Variants in RNF181 observed in about 807,000 individuals in gnomAD.
The protein encoded by RNF181 is E3 ubiquitin-protein ligase RNF181.
A neutral mutation model predicts 23.3 loss-of-function variants in RNF181; 25 were observed. The ratio of observed to expected loss-of-function variants is 1.07; its 90% CI spans 0.78 to 1.50. The LOEUF (loss-of-function observed/expected upper bound fraction) is 1.50, where lower values mean the gene tolerates loss of function less well. RNF181 is among the 40% of genes most tolerant of loss of function. The pLI is 0.00. For synonymous variants in RNF181, 62 were observed against 70.9 expected, an observed-to-expected ratio of 0.87 and a Z score of 0.63; for missense variants, 167 against 191.1, an observed-to-expected ratio of 0.87 and a Z score of 0.74.
chr2:85,596,523 C>T lies in RNF181; in HGVS notation c.91C>T (p.Leu31Phe). The part of the protein sequence containing the change: ...TNMLLELARS[L>F]FNRMDFEDLG... The stretch of plus-strand genomic sequence containing the variant: ...ACTTTACATCCCCTTCCCCAGGTCA[C>T]TTTTCAATAGGATGGACTTTGAAGA... The change falls in exon 2 of 5, where the codon CTT becomes TTT. Residue 31 changes from leucine to phenylalanine, a missense_variant. Coordinates refer to ENST00000306368, the MANE Select transcript of RNF181 (RefSeq NM_016494.4). The T allele has an allele frequency of 6.2e-7, 1 of 1,604,464 alleles. No individual in the cohort carries two copies. Among genetic ancestry groups the T allele is most frequent in the Non-Finnish European group, 8.5e-7 (1 of 1,176,096 alleles).
Position 85,597,444 on chromosome 2 carries a change from G to C in RNF181, c.403-1G>C. Reference sequence around the variant, plus strand: ...TGCCCAGCATGCCTTCTTTCCTTCAGGCTCGAAAACAGCAGCAGCAACACC... The same window carrying C: ...TGCCCAGCATGCCTTCTTTCCTTCACGCTCGAAAACAGCAGCAGCAACACC... On this transcript the variant is annotated splice_acceptor_variant, in intron 4 of 4. Coordinates refer to ENST00000306368, the MANE Select transcript of RNF181 (RefSeq NM_016494.4). LOFTEE classifies it high-confidence loss of function. 1 of 1,608,144 alleles carries C rather than the reference G, an allele frequency of 6.2e-7. No individual in the cohort carries two copies. The highest frequency in any genetic ancestry group is 8.5e-7 in the Non-Finnish European group (1 of 1,177,576).
In RNF181 at chr2:85,596,622, A is replaced by T; in HGVS notation, c.190A>T (p.Arg64Trp). 6.2e-7 allele frequency: 1 copy of T among 1,614,100 alleles called. No homozygotes were observed. The highest frequency in any genetic ancestry group is 8.5e-7 in the Non-Finnish European group (1 of 1,179,960). ...CAAGACTGTGGTTGAGAACCTCCCC[A>T]GGACAGTCATCAGAGGCTCTCAGGC... ...AAKTVVENLP[R>W]TVIRGSQAEL... is the part of the protein sequence containing the mutation. Residue 64 changes from arginine (R) to tryptophan (W), a missense_variant, in exon 2 of 5, where the codon AGG (arginine) becomes TGG (tryptophan). Coordinates refer to ENST00000306368, the MANE Select transcript of RNF181 (RefSeq NM_016494.4).
intron 1 of RNF181, among the ~76,000 whole-genome samples, 193 bp from the exon 2 acceptor site, chr2:85,596,326 C>T (rs1388426054): frequency 1.3e-5 from 2 of 151,546 alleles, no homozygotes; most frequent in East Asian, 1.9e-4. Context: ...AAACACTTTA[C>T]GTGCTGGGGC....
chr2:85,596,941 CTCT>C lies in RNF181; in HGVS notation c.327+17_327+19del, dbSNP rs757928442. On this transcript the variant is annotated intron_variant, in intron 3 of 4. Transcript: ENST00000306368. Reference sequence around the variant, plus strand: ...GCCCTGGCTAAGCAAGGTACTGCTTCTCTTCTTCTAGCTCTCACCGTGCCCTGG... The same window carrying C: ...GCCCTGGCTAAGCAAGGTACTGCTTCTCTTCTAGCTCTCACCGTGCCCTGG... 2.7e-5 allele frequency: 44 copies of C among 1,614,062 alleles called. No individual in the cohort carries two copies. The East Asian group carries it at 5.8e-4, about 21-fold the overall frequency.
Position 85,595,768 on chromosome 2 carries a change from C to A in RNF181, c.5C>A (p.Ala2Glu). 6.2e-7 allele frequency: 1 copy of A among 1,613,676 alleles called. No homozygotes were observed. Among genetic ancestry groups the A allele is most frequent in the Non-Finnish European group, 8.5e-7 (1 of 1,179,840 alleles). The change falls in exon 1 of 5, where the codon GCG (alanine) becomes GAG (glutamate). Residue 2 changes from alanine to glutamate, a missense_variant. By Grantham distance (107) the Ala-to-Glu change is moderately radical. Coordinates refer to ENST00000306368, the MANE Select transcript of RNF181 (RefSeq NM_016494.4). Reference sequence around the variant, plus strand: ...GTGTCAGAAGGCTGGGCAGCCATGGCGTCCTATTTCGATGAACACGACTGC... The same window carrying A: ...GTGTCAGAAGGCTGGGCAGCCATGGAGTCCTATTTCGATGAACACGACTGC... Reference protein sequence around the residue: MASYFDEHDCEP... With the variant: MESYFDEHDCEP...
rs1002648958 is a variant in RNF181 at position 85,596,853 on chromosome 2, T to TGAG, written c.259_261dup (p.Glu87dup). On this transcript the variant is annotated inframe_insertion, in exon 3 of 5. Coordinates refer to ENST00000306368, the MANE Select transcript of RNF181 (RefSeq NM_016494.4). ...AGTGCCCCGTGTGTCTTTTGGAATT[T>TGAG]GAGGAGGAGGAGACTGCCATTGAGA... The TGAG allele has an allele frequency of 3.7e-6, 6 of 1,614,196 alleles. No individual in the cohort carries two copies. Among genetic ancestry groups the TGAG allele is most frequent in the Admixed American group, 1.7e-5 (1 of 60,020 alleles).
chr2:85,597,234 C>T (rs142112842), intron 4 of RNF181, 56 bp downstream of exon 4: 28 of 1,491,618 alleles, frequency 1.9e-5, no homozygotes, highest in African/African-American at 2.8e-5. Flanking sequence ...GTCCTGTCCC[C>T]GCTGCCATCA....
intron 1 of RNF181, among the ~76,000 whole-genome samples, chr2:85,596,144 G>A (rs1250132901): frequency 6.6e-6 from 1 of 152,052 alleles, no homozygotes; most frequent in Non-Finnish European, 1.5e-5. Flanking sequence ...GTGAGGCATG[G>A]GGGCGGGGTT....
intron 4 of RNF181, 51 bp downstream of exon 4, chr2:85,597,229 G>A: frequency 6.6e-7 from 1 of 1,506,668 alleles, no homozygotes; most frequent in Non-Finnish European, 9.1e-7. Flanking sequence ...CCTGAGTCCT[G>A]TCCCCGCTGC....
intron 4 of RNF181, 69 bp from the exon 5 acceptor site, chr2:85,597,376 T>G: frequency 6.5e-7 from 1 of 1,532,522 alleles, no homozygotes; most frequent in Non-Finnish European, 8.8e-7. Context: ...AGCCCCATAA[T>G]AGCTGCCCAT....
At chr2:85,596,435 C>A (rs753750918) in intron 1 of RNF181, 84 bp from the exon 2 acceptor site, 11 of 1,386,622 alleles carry the variant, frequency 7.9e-6, no homozygotes, top group Non-Finnish European at 9.8e-6. Context: ...AGCTGGGCAG[C>A]GTGTTTATTA....
Position 85,596,893 on chromosome 2 carries a change from C to T in RNF181, c.289C>T (p.Leu97Phe). 2 of 1,614,184 alleles carry T rather than the reference C, an allele frequency of 1.2e-6. No individual in the cohort carries two copies. Among genetic ancestry groups the T allele is most frequent in the South Asian group, 1.1e-5 (1 of 91,086 alleles). ...TGCCATTGAGATGCCTTGCCATCACCTTTTCCATTCCAGCTGCATTCTGCC... is the reference window on the plus strand; with the variant it reads ...TGCCATTGAGATGCCTTGCCATCACTTTTTCCATTCCAGCTGCATTCTGCC... Reference protein sequence around the residue: ...ETAIEMPCHHLFHSSCILPWL... With the variant: ...ETAIEMPCHHFFHSSCILPWL... Residue 97 changes from leucine (L) to phenylalanine (F), a missense_variant, in exon 3 of 5, where the codon CTT becomes TTT. Transcript: ENST00000306368.
rs775076592 is a variant in RNF181, at chr2:85,595,780, A to G, written c.17A>G (p.Asp6Gly). 11 of 1,613,796 alleles carry G rather than the reference A, an allele frequency of 6.8e-6. No individual in the cohort carries two copies. The South Asian group carries it at 8.8e-5, about 13-fold the overall frequency. Residue 6 changes from aspartate to glycine, a missense_variant, in exon 1 of 5, where the codon GAT becomes GGT. Physicochemically the swap from Asp to Gly is moderately conservative, Grantham distance 94 (BLOSUM62 -1). Transcript: ENST00000306368. ...TGGGCAGCCATGGCGTCCTATTTCG[A>G]TGAACACGACTGCGAGCCGTCGGAC... MASYF[D>G]EHDCEPSDPE...
rs1018418099 is a variant in RNF181, at chr2:85,597,613, G to A, written c.*109G>A. On this transcript the variant is annotated 3_prime_UTR_variant, in exon 5 of 5. Transcript: ENST00000306368. ...GCTGTATTGATCACAGACCTGGCCA[G>A]GGGCTCTGCATCCTCCATCAGGTCT... is the stretch of plus-strand genomic sequence containing the variant. The A allele has an allele frequency of 3.3e-6, 5 of 1,519,058 alleles. No homozygotes were observed. Among genetic ancestry groups the A allele is most frequent in the African/African-American group, 1.4e-5 (1 of 71,710 alleles). 94.1% of individuals were successfully genotyped at this position (1,519,058 alleles called of 1,614,324 possible). A position where few individuals can be genotyped will look rare whatever the true frequency, so the allele number is the denominator to read the frequency against.
rs1457198720 is a variant in RNF181, at chr2:85,595,759, C to CA, written c.-4dup. ...CCGAGGGCTGTGTCAGAAGGCTGGG[C>CA]AGCCATGGCGTCCTATTTCGATGAA... is the stretch of plus-strand genomic sequence containing the variant. On this transcript the variant is annotated 5_prime_UTR_variant, in exon 1 of 5. Transcript: ENST00000306368. The CA allele has an allele frequency of 6.2e-7, 1 of 1,613,444 alleles. No homozygotes were observed. The highest frequency in any genetic ancestry group is 2.2e-5 in the East Asian group (1 of 44,882).
At chr2:85,595,989 C>T (rs1302847737) in intron 1 of RNF181, 140 bp downstream of exon 1, 2 of 746,494 alleles carry the variant, frequency 2.7e-6, no homozygotes, top group East Asian at 5.4e-5. Flanking sequence ...GGCGGCGAGA[C>T]TGAGGGGTGT....
At chr2:85,597,013 T>C (rs750260937) in intron 3 of RNF181, 82 bp downstream of exon 3, 16 of 1,613,980 alleles carry the variant, frequency 9.9e-6, no homozygotes, top group African/African-American at 2.7e-5. Flanking sequence ...TGCTGGGGGA[T>C]GGAAGAAGAG....
chr2:85,597,635 G>A lies in RNF181; in HGVS notation c.*131G>A. The A allele has an allele frequency of 3.4e-6, 5 of 1,456,392 alleles. No individual in the cohort carries two copies. The highest frequency in any genetic ancestry group is 4.5e-6 in the Non-Finnish European group (5 of 1,102,348). The allele number at this position is 1,456,392 out of a possible 1,614,324, so 90.2% of individuals were successfully genotyped here. A position where few individuals can be genotyped will look rare whatever the true frequency, so the allele number is the denominator to read the frequency against. On this transcript the variant is annotated 3_prime_UTR_variant, in exon 5 of 5. Transcript: ENST00000306368. ...CCAGGGGCTCTGCATCCTCCATCAG[G>A]TCTCTACTTCTGTTGGGGAAGGTGA...
intron 4 of RNF181, 65 bp downstream of exon 4, chr2:85,597,243 C>T (rs1244233665): frequency 1.4e-6 from 2 of 1,449,710 alleles, no homozygotes; most frequent in Non-Finnish European, 1.9e-6. Context: ...CCGCTGCCAT[C>T]ACTTCCCACC....
Sources: gnomAD v4.1 joint callset for allele counts (sites outside exome capture counted in the v4.1 genomes callset) on GRCh38, gnomAD v4.1.1 for gene constraint, MANE v1.5 for transcripts, NCBI Gene and HGNC (gene_info 2026-07-23, HGNC 2026-07-21) for gene names.